FARP2: variants seen among roughly 807,000 people sequenced by gnomAD.
FARP2 encodes FERM, ARH/RhoGEF and pleckstrin domain protein 2, also known as FERM, ARHGEF and pleckstrin domain-containing protein 2.
In FARP2, 111 loss-of-function variants were observed where a neutral mutation model predicts 130.5. That is an observed-to-expected ratio of 0.85 (90% CI 0.73 to 1.00). The LOEUF is 1.00. Ranked by LOEUF, FARP2 falls within the 50% of genes least tolerant of loss-of-function variation. The pLI, the probability that FARP2 is intolerant of heterozygous loss-of-function variation, is 0.00. For synonymous variants in FARP2, 504 were observed against 516.9 expected (o/e 0.98, Z 0.34); for missense variants, 1,385 against 1,346.3 (o/e 1.03, Z -0.45).
At chr2:241,448,240 G>A (rs934865934) in intron 13 of FARP2, among the ~76,000 whole-genome samples, 2 of 152,050 alleles carry the variant, frequency 1.3e-5, no homozygotes, top group African/African-American at 2.4e-5. Flanking sequence ...CCTGGTCCTG[G>A]GGCCACCCCT....
chr2:241,398,969 A>G (rs1451438078), intron 2 of FARP2, among the ~76,000 whole-genome samples: 1 of 152,050 alleles, frequency 6.6e-6, no homozygotes, highest in Non-Finnish European at 1.5e-5. Flanking sequence ...ACTTCTGTAT[A>G]CCTTTAGTAG....
chr2:241,441,436 G>T lies in FARP2; in HGVS notation c.1291G>T (p.Asp431Tyr). The T allele has an allele frequency of 6.2e-7, 1 of 1,614,232 alleles. No homozygotes were observed. Among genetic ancestry groups the T allele is most frequent in the South Asian group, 1.1e-5 (1 of 91,090 alleles). ...TAAGGACAGCAGCAGCTCCCTCACA[G>T]ATCCCCAGGTTTCCTACGTCAAGAG... ...EFKDSSSSLT[D>Y]PQVSYVKSPA... is the part of the protein sequence containing the mutation. Residue 431 changes from aspartate (D) to tyrosine (Y), a missense_variant, in exon 13 of 27, where the codon GAT becomes TAT. Coordinates refer to ENST00000264042, the MANE Select transcript of FARP2 (RefSeq NM_014808.4).
chr2:241,403,511 G>A (rs1281900444), intron 2 of FARP2, among the ~76,000 whole-genome samples: 1 of 152,112 alleles, frequency 6.6e-6, no homozygotes, highest in Admixed American at 6.6e-5. Context: ...CGCACCTGGT[G>A]TAAATATCGA....
chr2:241,457,251 T>C (rs886814), intron 14 of FARP2, among the ~76,000 whole-genome samples: 72,875 of 151,924 alleles, frequency 0.48, 17,791 homozygotes, highest in East Asian at 0.76. Flanking sequence ...CCTTCCTTCC[T>C]TCCCACCTTC....
chr2:241,491,004 G>T, intron 22 of FARP2, 57 bp from the exon 23 acceptor site: 1 of 1,368,082 alleles, frequency 7.3e-7, no homozygotes, highest in African/African-American at 1.4e-5. Flanking sequence ...TCCCTTGAGG[G>T]CTGGGGCCCT....
At chr2:241,463,692 T>G in intron 16 of FARP2, 1 of 679,530 alleles carries the variant, frequency 1.5e-6, no homozygotes. Context: ...GATCCCTTTT[T>G]GCCTGGTTAC....
chr2:241,400,691 G>A (rs2062144742), intron 2 of FARP2, among the ~76,000 whole-genome samples: 2 of 152,202 alleles, frequency 1.3e-5, no homozygotes, highest in South Asian at 4.1e-4. Context: ...GTGTGAGGCT[G>A]TATCAGGGTG....
intron 14 of FARP2, among the ~76,000 whole-genome samples, chr2:241,461,552 C>T (rs2064017924): frequency 6.6e-6 from 1 of 152,210 alleles, no homozygotes; most frequent in Non-Finnish European, 1.5e-5. Context: ...TACTGTGTCC[C>T]CCAGCCTCCA....
intron 3 of FARP2, 91 bp from the exon 4 acceptor site, chr2:241,404,708 T>C (rs2062285237): frequency 7.2e-6 from 7 of 971,356 alleles, no homozygotes; most frequent in Non-Finnish European, 1.1e-5. Context: ...TAAAAATTTA[T>C]CTTATTATAA....
chr2:241,435,294 C>T (rs142360126), intron 11 of FARP2, among the ~76,000 whole-genome samples: 33 of 147,662 alleles, frequency 2.2e-4, no homozygotes, highest in Admixed American at 4.8e-4. Flanking sequence ...TCTGTAGAGA[C>T]AAGGTCTTGC....
intron 18 of FARP2, among the ~76,000 whole-genome samples, chr2:241,473,971 C>A (rs1248234716): frequency 1.3e-5 from 2 of 151,970 alleles, no homozygotes; most frequent in East Asian, 3.9e-4. Context: ...TGACTTTATC[C>A]TCTGAAAGCT....
In FARP2 at chr2:241,475,858, C is replaced by T. The variant is rs200231358; in HGVS notation, c.2133C>T (p.Asp711=). The change falls in exon 19 of 27, where the codon GAC becomes GAT. Residue 711 remains aspartate (D), a splice_region_variant and synonymous_variant. Coordinates refer to ENST00000264042, the MANE Select transcript of FARP2 (RefSeq NM_014808.4). The surrounding 1 kb of genome is among the most constrained non-coding windows in gnomAD (Gnocchi z 4.4). The part of the protein sequence containing the change: ...PGHHDYADCH[D]ALKAITEVTT... ...GTACTGAGGGGTCTCTCCACACAGA[C>T]GCCCTGAAAGCCATCACAGAGGTGA... 2.4e-5 allele frequency: 39 copies of T among 1,611,180 alleles called. No homozygotes were observed. Among genetic ancestry groups the T allele is most frequent in the African/African-American group, 2.0e-4 (15 of 74,812 alleles).
intron 4 of FARP2, among the ~76,000 whole-genome samples, chr2:241,406,773 T>G (rs1016041253): frequency 1.3e-5 from 2 of 151,966 alleles, no homozygotes; most frequent in African/African-American, 4.8e-5. Flanking sequence ...CTATTTAAAT[T>G]TTTTAATGTG....
intron 17 of FARP2, chr2:241,465,646 G>A (rs1297881623): frequency 6.4e-7 from 1 of 1,550,646 alleles, no homozygotes; most frequent in African/African-American, 1.4e-5. Context: ...TGCTTAACGT[G>A]CCTGGAACAG....
intron 1 of FARP2, 22 bp from the exon 2 acceptor site, chr2:241,373,062 G>T (rs763865738): frequency 1.8e-4 from 168 of 928,276 alleles, no homozygotes; most frequent in East Asian, 7.3e-4. Flanking sequence ...CCTTCATGTG[G>T]TTTTTTTTTT....
In FARP2 at chr2:241,474,109, A is replaced by C. The variant is rs529289277; in HGVS notation, c.2132-1748A>C. Among the ~76,000 whole-genome samples, 26 of 151,246 alleles carry C rather than the reference A, an allele frequency of 1.7e-4. No individual in the cohort carries two copies. The East Asian group carries it at 5.0e-3, about 29-fold the overall frequency. On this transcript the variant is annotated intron_variant, in intron 18 of 26. Coordinates refer to ENST00000264042, the MANE Select transcript of FARP2 (RefSeq NM_014808.4). ...ATCACGAGGTCAGGAGATCGAGACC[A>C]TCCTGGCTAACACAGTGAAACCCCG...
intron 1 of FARP2, among the ~76,000 whole-genome samples, chr2:241,359,176 C>T (rs1318792021): frequency 1.3e-5 from 2 of 152,166 alleles, no homozygotes; most frequent in Non-Finnish European, 2.9e-5. Flanking sequence ...TGAACAGGAT[C>T]AGGAGGGTAG....
chr2:241,468,368 G>A lies in FARP2; in HGVS notation c.2122G>A (p.Asp708Asn), dbSNP rs756712160. 2.5e-6 allele frequency: 4 copies of A among 1,609,382 alleles called. No homozygotes were observed. The highest frequency in any genetic ancestry group is 3.4e-6 in the Non-Finnish European group (4 of 1,176,804). The change falls in exon 18 of 27, where the codon GAC becomes AAC. Residue 708 changes from aspartate (D) to asparagine (N), a missense_variant. By Grantham distance (23) the Asp-to-Asn change is conservative (BLOSUM62 1). Coordinates refer to ENST00000264042, the MANE Select transcript of FARP2 (RefSeq NM_014808.4). ...CAGCCCCGGGCACCATGACTACGCT[G>A]ACTGCCATGGTGAGTGTGGGTGCGG... is the stretch of plus-strand genomic sequence containing the variant. ...HYSPGHHDYA[D>N]CHDALKAITE... is the part of the protein sequence containing the mutation.
intron 2 of FARP2, 114 bp from the exon 3 acceptor site, chr2:241,403,714 A>G (rs887675468): frequency 3.6e-6 from 2 of 561,208 alleles, no homozygotes; most frequent in East Asian, 5.9e-5. Flanking sequence ...TTAGTTATAC[A>G]CTGGAAGACA....
Sources: allele counts gnomAD v4.1 joint callset (sites outside exome capture counted in the v4.1 genomes callset), GRCh38; gene constraint gnomAD v4.1.1; non-coding constraint Gnocchi (gnomAD v3.1); transcripts MANE v1.5; gene names NCBI Gene and HGNC (gene_info 2026-07-23, HGNC 2026-07-21).